PTPN23: variants seen among roughly 807,000 people sequenced by gnomAD.
The protein encoded by PTPN23 is protein tyrosine phosphatase non-receptor type 23.
In PTPN23, 72 loss-of-function variants were observed where a neutral mutation model predicts 156.3. The observed-to-expected ratio is 0.46, with a 90% CI of 0.38 to 0.56. PTPN23 has a LOEUF of 0.56. Ranked by LOEUF, PTPN23 falls within the 20% of genes least tolerant of loss-of-function variation. The pLI is 0.00. For missense variants in PTPN23, 1,974 were observed against 2,171.5 expected, an observed-to-expected ratio of 0.91 and a Z score of 1.81; for synonymous variants, 957 against 899.6, an observed-to-expected ratio of 1.06 and a Z score of -1.14.
At chr3:47,383,819 A>G (rs1186946815) in intron 1 of PTPN23, among the ~76,000 whole-genome samples, 6 of 152,210 alleles carry the variant, frequency 3.9e-5, no homozygotes, top group African/African-American at 1.2e-4. Flanking sequence ...GGTATCAGAT[A>G]TGAAACAATT....
intron 1 of PTPN23, among the ~76,000 whole-genome samples, chr3:47,392,037 C>G (rs2107698696): frequency 6.6e-6 from 1 of 152,064 alleles, no homozygotes; most frequent in South Asian, 2.1e-4. Context: ...AGGCGCACAC[C>G]ACCACACGTG....
In PTPN23 at chr3:47,411,211, A is replaced by G; in HGVS notation, c.3413A>G (p.Gln1138Arg). 6.2e-7 allele frequency: 1 copy of G among 1,604,866 alleles called. No individual in the cohort carries two copies. The highest frequency in any genetic ancestry group is 8.5e-7 in the Non-Finnish European group (1 of 1,178,320). ...HGGTQSPGGG[Q>R]PLLQPTKVDA... ...GGCACTCAGTCTCCTGGGGGTGGGCAGCCCCTGCTGCAGCCCACCAAGGTG... is the reference window on the plus strand; with the variant it reads ...GGCACTCAGTCTCCTGGGGGTGGGCGGCCCCTGCTGCAGCCCACCAAGGTG... The change falls in exon 20 of 25, where the codon CAG becomes CGG. Residue 1138 changes from glutamine to arginine, a missense_variant. Around this residue, in one of 4 missense-constraint regions of PTPN23, gnomAD observed 731 missense variants for 669.1 expected, o/e 1.09. Coordinates refer to ENST00000265562, the MANE Select transcript of PTPN23 (RefSeq NM_015466.4). This position sits in a 1 kb window ranked among gnomAD's most constrained non-coding sequence, Gnocchi z 6.3.
chr3:47,401,618 T>C (rs149810718), intron 2 of PTPN23, among the ~76,000 whole-genome samples: 5 of 152,234 alleles, frequency 3.3e-5, no homozygotes, highest in Non-Finnish European at 7.3e-5. Flanking sequence ...GATGTGGCTC[T>C]TAATTTTAAA....
chr3:47,383,297 T>G (rs1704586943), intron 1 of PTPN23, among the ~76,000 whole-genome samples: 1 of 152,230 alleles, frequency 6.6e-6, no homozygotes, highest in African/African-American at 2.4e-5. Context: ...TGAGGTGCCC[T>G]TCTTCAATCT....
intron 1 of PTPN23, 25 bp downstream of exon 1, chr3:47,381,205 C>A (rs372341130): frequency 1.2e-5 from 19 of 1,561,850 alleles, no homozygotes; most frequent in South Asian, 8.3e-5. Flanking sequence ...CATCTTCCCC[C>A]CTATCCGCCG....
intron 1 of PTPN23, among the ~76,000 whole-genome samples, chr3:47,387,495 G>A (rs369079884): frequency 1.3e-5 from 2 of 151,584 alleles, no homozygotes; most frequent in African/African-American, 2.4e-5. Flanking sequence ...GGGGGGTATG[G>A]CTTAAGCCCA....
intron 1 of PTPN23, among the ~76,000 whole-genome samples, chr3:47,382,680 CTTTT>C (rs71098482): frequency 3.8e-4 from 22 of 58,656 alleles, no homozygotes; most frequent in East Asian, 6.5e-4. Context: ...TTTTTCTTTT[CTTTT>C]TTTTTTTTTT....
intron 1 of PTPN23, among the ~76,000 whole-genome samples, chr3:47,385,034 T>C (rs1342200915): frequency 6.6e-6 from 1 of 152,168 alleles, no homozygotes; most frequent in Non-Finnish European, 1.5e-5. Context: ...AGTGCTGGGA[T>C]TACAGGTATG....
At chr3:47,392,645 T>C (rs1236210460) in intron 1 of PTPN23, among the ~76,000 whole-genome samples, 1 of 152,142 alleles carries the variant, frequency 6.6e-6, no homozygotes, top group Non-Finnish European at 1.5e-5. Flanking sequence ...TGTTTGTGCA[T>C]AGTTGAAAAT....
chr3:47,412,040 G>A (rs912193338), intron 21 of PTPN23, 54 bp from the exon 22 acceptor site: 23 of 1,609,136 alleles, frequency 1.4e-5, no homozygotes, highest in Non-Finnish European at 4.2e-6. Context: ...AGGGATGAGA[G>A]CCTCAGGTCA....
In PTPN23 at chr3:47,406,265, G is replaced by A. The variant is rs72911275; in HGVS notation, c.547-60G>A. 484 of 1,588,978 alleles carry A rather than the reference G, an allele frequency of 3.0e-4. 2 individuals carry two copies. The African/African-American group carries it at 6.0e-3, about 20-fold the overall frequency. On this transcript the variant is annotated intron_variant, in intron 6 of 24. Coordinates refer to ENST00000265562, the MANE Select transcript of PTPN23 (RefSeq NM_015466.4). The surrounding 1 kb of genome is among the most constrained non-coding windows in gnomAD (Gnocchi z 5.8). Reference sequence around the variant, plus strand: ...CAGTCTGCCCCTGGGGAAGGATAAAGGGAAGGGGAAGCGGGAGGCCTTGGG... The same window carrying A: ...CAGTCTGCCCCTGGGGAAGGATAAAAGGAAGGGGAAGCGGGAGGCCTTGGG...
chr3:47,391,599 A>C (rs1207231187), intron 1 of PTPN23, among the ~76,000 whole-genome samples: 1 of 152,216 alleles, frequency 6.6e-6, no homozygotes, highest in Non-Finnish European at 1.5e-5. Context: ...ACCTCTAGGC[A>C]TGATTTGCTA....
chr3:47,404,786 G>T lies in PTPN23; in HGVS notation c.287+7G>T. 2 of 1,613,092 alleles carry T rather than the reference G, an allele frequency of 1.2e-6. No homozygotes were observed. Among genetic ancestry groups the T allele is most frequent in the Non-Finnish European group, 1.7e-6 (2 of 1,179,702 alleles). ...CCGCTGTCCCTGTCACCTGGTGAGA[G>T]CCGCAGGCAGGGCTGGAGGATCCCA... On this transcript the variant is annotated splice_region_variant and intron_variant, in intron 3 of 24. Transcript: ENST00000265562.
In PTPN23 at chr3:47,384,816, G is replaced by T. The variant is rs13326899; in HGVS notation, c.84+3636G>T. Among the ~76,000 whole-genome samples the T allele has an allele frequency of 4.4e-3, 666 of 151,956 alleles. 7 individuals are homozygous for T. The highest frequency in any genetic ancestry group is 0.014 in the African/African-American group (600 of 41,412). The stretch of plus-strand genomic sequence containing the variant: ...TTGCTTTCGTTGCCCAGGCTGGAGT[G>T]CAATGGCACCATCTTGGCTCACCAC... On this transcript the variant is annotated intron_variant, in intron 1 of 24. Coordinates refer to ENST00000265562, the MANE Select transcript of PTPN23 (RefSeq NM_015466.4).
At position 47,412,712 on chromosome 3, in the gene PTPN23, C is replaced by T. The variant is rs979882584; in HGVS notation, c.4438C>T (p.Leu1480Phe). The change falls in exon 25 of 25, where the codon CTT becomes TTT. Residue 1480 changes from leucine (L) to phenylalanine (F), a missense_variant. Physicochemically the swap from Leu to Phe is conservative, Grantham distance 22. This residue lies in a region of PTPN23 where 484 missense variants were observed against 516.0 expected (regional missense o/e 0.94). Coordinates refer to ENST00000265562, the MANE Select transcript of PTPN23 (RefSeq NM_015466.4). ...ACTCACTCTGTCTTCTCAGAACCAC[C>T]TTCCTCAGGACTCCCAGGACCTGGT... The part of the protein sequence containing the change: ...ASASISQKNH[L>F]PQDSQDLVLG... 1 of 1,597,570 alleles carries T rather than the reference C, an allele frequency of 6.3e-7. No homozygotes were observed.
In PTPN23 at chr3:47,410,243, A is replaced by G. The variant is rs756574780; in HGVS notation, c.2445A>G (p.Val815=). 2 of 1,611,152 alleles carry G rather than the reference A, an allele frequency of 1.2e-6. No individual in the cohort carries two copies. Among genetic ancestry groups the G allele is most frequent in the Admixed American group, 3.3e-5 (2 of 59,708 alleles). Residue 815 remains valine, a synonymous_variant, in exon 20 of 25, where the codon GTA becomes GTG. Coordinates refer to ENST00000265562, the MANE Select transcript of PTPN23 (RefSeq NM_015466.4). The part of the protein sequence containing the change: ...PRAPGPHAMP[V]APGPALYPAP... ...CCCCAGGGCCCCATGCAATGCCCGT[A>G]GCACCTGGGCCTGCCCTCTACCCAG...
intron 2 of PTPN23, among the ~76,000 whole-genome samples, chr3:47,401,844 GA>G (rs1285312369): frequency 2.6e-5 from 4 of 152,186 alleles, no homozygotes; most frequent in African/African-American, 9.7e-5. Context: ...CTGAGTTTCA[GA>G]GTCTCCCAAG....
rs762627993 is a variant in PTPN23, at chr3:47,413,195, G to C, written c.*10G>C. On this transcript the variant is annotated 3_prime_UTR_variant, in exon 25 of 25. Coordinates refer to ENST00000265562, the MANE Select transcript of PTPN23 (RefSeq NM_015466.4). Reference sequence around the variant, plus strand: ...ACTCAACAAGACCTGAACAGGTTTTGCCTACCTGGTCCTTACACTACATCA... The same window carrying C: ...ACTCAACAAGACCTGAACAGGTTTTCCCTACCTGGTCCTTACACTACATCA... 1 of 1,603,440 alleles carries C rather than the reference G, an allele frequency of 6.2e-7. No individual in the cohort carries two copies.
chr3:47,408,220 G>A (rs568488594), intron 14 of PTPN23, 125 bp from the exon 15 acceptor site: 12 of 1,353,072 alleles, frequency 8.9e-6, no homozygotes, highest in South Asian at 2.7e-5. Flanking sequence ...GTAGGGGTCC[G>A]AGGTCACAAT....
Sources: allele counts gnomAD v4.1 joint callset (sites outside exome capture counted in the v4.1 genomes callset), GRCh38; gene constraint gnomAD v4.1.1; regional missense constraint gnomAD v4.1.1; non-coding constraint Gnocchi (gnomAD v3.1); transcripts MANE v1.5; gene names NCBI Gene and HGNC (gene_info 2026-07-23, HGNC 2026-07-21).